ZNF875: variants seen among roughly 807,000 people sequenced by gnomAD.
The protein encoded by ZNF875 is HKR1, GLI-Kruppel zinc finger family member.
In ZNF875, 14 loss-of-function variants were observed where a neutral mutation model predicts 11.2. The ratio of observed to expected loss-of-function variants is 1.26; its 90% CI spans 0.83 to 1.96. ZNF875 has a LOEUF of 1.96. Ranked by LOEUF, ZNF875 falls within the 30% of genes most tolerant of loss-of-function variation. The pLI is 0.00. For synonymous variants in ZNF875, 301 were observed against 281.1 expected (o/e 1.07, Z -0.71); for missense variants, 752 against 760.4 (o/e 0.99, Z 0.13).
At chr19:37,334,621 T>G, upstream of ZNF875, 2 of 453,900 alleles carry the variant, frequency 4.4e-6, no homozygotes, top group Non-Finnish European at 4.4e-6. Flanking sequence ...CTCCCTACCC[T>G]TCAGTGTGTA....
At chr19:37,353,574 A>G (rs2038336069) in intron 4 of ZNF875, among the ~76,000 whole-genome samples, 1 of 152,206 alleles carries the variant, frequency 6.6e-6, no homozygotes, top group Admixed American at 6.5e-5. Context: ...TCATCCTGAA[A>G]GACTTCCTTT....
At chr19:37,343,439 C>T (rs1334110400) in intron 2 of ZNF875, among the ~76,000 whole-genome samples, 1 of 151,412 alleles carries the variant, frequency 6.6e-6, no homozygotes, top group African/African-American at 2.4e-5. Context: ...TCCTGTGGGT[C>T]AGCAAGTAGG....
At chr19:37,330,274 G>A (rs2033171442), upstream of ZNF875, among the ~76,000 whole-genome samples, 1 of 152,052 alleles carries the variant, frequency 6.6e-6, no homozygotes, top group African/African-American at 2.4e-5. Flanking sequence ...GATGAGAATG[G>A]TGTTTATCAC....
rs1182362708 is a variant in ZNF875, at chr19:37,363,314, A to G, written c.1462A>G (p.Thr488Ala). 3.1e-6 allele frequency: 5 copies of G among 1,610,656 alleles called. No individual in the cohort carries two copies. The South Asian group carries it at 4.4e-5, about 14-fold the overall frequency. Residue 488 changes from threonine (T) to alanine (A), a missense_variant, in exon 5 of 5, where the codon ACC becomes GCC. Coordinates refer to ENST00000392153, the MANE Select transcript of ZNF875 (RefSeq NM_001353803.2). ...ATGTACGGAGTGTGGGCGAGGCTTTACCCGGAAATCAACCCTGAGCACGCA... is the reference window on the plus strand; with the variant it reads ...ATGTACGGAGTGTGGGCGAGGCTTTGCCCGGAAATCAACCCTGAGCACGCA... Reference protein sequence around the residue: ...FVCTECGRGFTRKSTLSTHQR... With the variant: ...FVCTECGRGFARKSTLSTHQR...
At chr19:37,358,529 T>G (rs2039343837) in intron 4 of ZNF875, 1 of 151,584 alleles carries the variant, frequency 6.6e-6, no homozygotes, top group Non-Finnish European at 1.5e-5. Flanking sequence ...TTTTTTTTTT[T>G]TCTTTTTTGA....
Position 37,347,235 on chromosome 19 carries a change from G to C in ZNF875, c.79G>C (p.Glu27Gln), listed in dbSNP as rs752039587. Reference protein sequence around the residue: ...RDVAVYFTQEEWRLLSPAQRT... With the variant: ...RDVAVYFTQEQWRLLSPAQRT... ...TGTGGCTGTGTACTTCACCCAGGAGGAGTGGAGGTTGTTGAGCCCTGCTCA... is the reference window on the plus strand; with the variant it reads ...TGTGGCTGTGTACTTCACCCAGGAGCAGTGGAGGTTGTTGAGCCCTGCTCA... The change falls in exon 3 of 5, where the codon GAG becomes CAG. Residue 27 changes from glutamate (E) to glutamine (Q), a missense_variant. Glu to Gln is a conservative substitution (Grantham distance 29, BLOSUM62 2). Coordinates refer to ENST00000392153, the MANE Select transcript of ZNF875 (RefSeq NM_001353803.2). The C allele has an allele frequency of 1.9e-6, 3 of 1,614,036 alleles. No homozygotes were observed. In the African/African-American group the frequency reaches 4.0e-5, roughly 22 times the overall value.
At chr19:37,334,156 G>T (rs1236763583), upstream of ZNF875, among the ~76,000 whole-genome samples, 2 of 152,188 alleles carry the variant, frequency 1.3e-5, no homozygotes, top group African/African-American at 4.8e-5. Flanking sequence ...TAGCCTTGGG[G>T]TTCCCTGTCC....
chr19:37,363,174 A>G lies in ZNF875; in HGVS notation c.1322A>G (p.Gln441Arg). 6.2e-7 allele frequency: 1 copy of G among 1,614,054 alleles called. No homozygotes were observed. Among genetic ancestry groups the G allele is most frequent in the South Asian group, 1.1e-5 (1 of 91,080 alleles). Reference sequence around the variant, plus strand: ...TGGAAATCAAACCTCAAAACACACCAGAGGACACACTCAGGGGTTAAACCT... The same window carrying G: ...TGGAAATCAAACCTCAAAACACACCGGAGGACACACTCAGGGGTTAAACCT... ...FSWKSNLKTH[Q>R]RTHSGVKPYV... The change falls in exon 5 of 5, where the codon CAG (glutamine) becomes CGG (arginine). Residue 441 changes from glutamine (Q) to arginine (R), a missense_variant. Gln to Arg is a conservative substitution (Grantham distance 43). Transcript: ENST00000392153.
chr19:37,335,385 G>C (rs1178325459), intron 2 of ZNF875, 128 bp downstream of exon 2: 4 of 566,426 alleles, frequency 7.1e-6, no homozygotes, highest in Non-Finnish European at 1.3e-5. Flanking sequence ...CTAGTCCATA[G>C]AACAAGGAGG....
intron 3 of ZNF875, chr19:37,347,542 GCT>G (rs2037044416): frequency 1.6e-6 from 1 of 610,676 alleles, no homozygotes; most frequent in Non-Finnish European, 2.9e-6. Context: ...CAAGGCTTGT[GCT>G]CTCTCTTTAT....
intron 2 of ZNF875, among the ~76,000 whole-genome samples, chr19:37,336,880 C>T (rs1011730236): frequency 2.0e-5 from 3 of 151,906 alleles, no homozygotes; most frequent in Admixed American, 1.3e-4. Flanking sequence ...TGCACTCCAG[C>T]CCGGGCAACA....
At chr19:37,344,722 C>T (rs1326273373) in intron 2 of ZNF875, 2 of 1,613,410 alleles carry the variant, frequency 1.2e-6, no homozygotes, top group East Asian at 2.2e-5. Context: ...ATGCTCCCTA[C>T]ATGCATGGTT....
chr19:37,339,551 T>TTG (rs2035245915), intron 2 of ZNF875, among the ~76,000 whole-genome samples: 1 of 146,880 alleles, frequency 6.8e-6, no homozygotes, highest in Admixed American at 6.8e-5. Context: ...CCAGTTTTTT[T>TTG]TTTTTTTTTT....
chr19:37,316,228 C>T (rs2030180337), upstream of ZNF875, among the ~76,000 whole-genome samples: 1 of 152,224 alleles, frequency 6.6e-6, no homozygotes, highest in Admixed American at 6.5e-5. Flanking sequence ...TCCCTGCCCG[C>T]TCTGTCCTCC....
chr19:37,318,155 G>T, exon 1 of ZNF875: 2 of 153,968 alleles, frequency 1.3e-5, no homozygotes, highest in South Asian at 3.6e-4. Context: ...GTAGTTTCCT[G>T]ACCTCTGACA....
At chr19:37,347,151 C>G (rs1189339992) in intron 2 of ZNF875, 39 bp from the exon 3 acceptor site, 1 of 1,612,804 alleles carries the variant, frequency 6.2e-7, no homozygotes, top group Non-Finnish European at 8.5e-7. Flanking sequence ...GAGGGAAAGA[C>G]AGGCTCCTGG....
chr19:37,346,641 A>G (rs2146257656), intron 2 of ZNF875: 1 of 155,762 alleles, frequency 6.4e-6, no homozygotes, highest in East Asian at 1.9e-4. Flanking sequence ...CTCCCTGCCT[A>G]GTTTTGAAAC....
chr19:37,354,235 TCTCCCCTCCTCTCCCCTCCCCTCCC>T (rs2038470493), intron 4 of ZNF875, among the ~76,000 whole-genome samples: 5 of 34,676 alleles, frequency 1.4e-4, no homozygotes, highest in African/African-American at 5.7e-4. Context: ...CCTCCCCTCC[TCTCCCCTCCTCTCCCCTCCCCTCCC>T]CTCCCCTCCC....
At position 37,362,700 on chromosome 19, in the gene ZNF875, T is replaced by C; in HGVS notation, c.848T>C (p.Val283Ala). The C allele has an allele frequency of 1.2e-6, 2 of 1,613,526 alleles. No individual in the cohort carries two copies. Among genetic ancestry groups the C allele is most frequent in the Non-Finnish European group, 1.7e-6 (2 of 1,179,692 alleles). ...PRTHSGGKPY[V>A]CRECGRGFTW... ...ACACACTCTGGGGGAAAGCCTTATG[T>C]GTGCAGGGAATGTGGGCGAGGCTTT... The change falls in exon 5 of 5, where the codon GTG becomes GCG. Residue 283 changes from valine (V) to alanine (A), a missense_variant. Coordinates refer to ENST00000392153, the MANE Select transcript of ZNF875 (RefSeq NM_001353803.2).
Sources: allele counts gnomAD v4.1 joint callset (sites outside exome capture counted in the v4.1 genomes callset), GRCh38; gene constraint gnomAD v4.1.1; transcripts MANE v1.5; gene names NCBI Gene and HGNC (gene_info 2026-07-23, HGNC 2026-07-21).